Variants in NRCAM observed in about 807,000 individuals in gnomAD.
NRCAM encodes neuronal cell adhesion molecule.
A neutral mutation model predicts 156.5 loss-of-function variants in NRCAM; 83 were observed. The observed-to-expected ratio is 0.53, with a 90% CI of 0.44 to 0.64. The LOEUF is 0.64. NRCAM is among the 30% of genes least tolerant of loss of function. The probability of loss-of-function intolerance (pLI) is 0.00; values close to 1 mark genes in which losing one functional copy is unlikely to be tolerated. For synonymous variants in NRCAM, 538 were observed against 563.9 expected (o/e 0.95, Z 0.65); for missense variants, 1,417 against 1,597.3 (o/e 0.89, Z 1.92).
chr7:108,156,998 C>G (rs1585199374), intron 32 of NRCAM, among the ~76,000 whole-genome samples: 1 of 152,154 alleles, frequency 6.6e-6, no homozygotes, highest in East Asian at 1.9e-4. Context: ...AATCAAAGGA[C>G]AAAGCCGTAT....
At chr7:108,267,165 T>A (rs1563025531) in intron 3 of NRCAM, among the ~76,000 whole-genome samples, 1 of 152,170 alleles carries the variant, frequency 6.6e-6, no homozygotes, top group Non-Finnish European at 1.5e-5. Flanking sequence ...GCGGTAAGCA[T>A]CCCTCCATGC....
At position 108,237,770 on chromosome 7, in the gene NRCAM, CT is replaced by C. The variant is rs1484078682; in HGVS notation, c.107-2del. On this transcript the variant is annotated splice_acceptor_variant, in intron 4 of 32. Transcript: ENST00000379028. LOFTEE classifies it high-confidence loss of function. ...CACTTACAGTCTTCAAGAAGTTTTG[CT>C]TTTTCCCCATCAATATCAGCAGGTA... is the stretch of plus-strand genomic sequence containing the variant. 6.3e-7 allele frequency: 1 copy of C among 1,594,096 alleles called. No homozygotes were observed. Among genetic ancestry groups the C allele is most frequent in the Non-Finnish European group, 8.5e-7 (1 of 1,170,848 alleles).
chr7:108,163,725 G>C (rs2050984824), intron 30 of NRCAM, among the ~76,000 whole-genome samples: 1 of 151,930 alleles, frequency 6.6e-6, no homozygotes, highest in South Asian at 2.1e-4. Flanking sequence ...ACTAAAGAGA[G>C]GTCAAACGGG....
intron 2 of NRCAM, among the ~76,000 whole-genome samples, chr7:108,313,538 A>G (rs2098834016): frequency 6.6e-6 from 1 of 152,216 alleles, no homozygotes; most frequent in Non-Finnish European, 1.5e-5. Flanking sequence ...GCACTCAAAT[A>G]TTAGGACAAC....
At chr7:108,421,388 A>G (rs1224401257) in intron 1 of NRCAM, among the ~76,000 whole-genome samples, 2 of 152,178 alleles carry the variant, frequency 1.3e-5, no homozygotes, top group African/African-American at 4.8e-5. Context: ...TCTCATGATC[A>G]TATATTCAAA....
rs2050739948 is a variant in NRCAM, at chr7:108,163,489, C to CAT, written c.3467-2998_3467-2997insAT. 7.9e-5 allele frequency among the ~76,000 whole-genome samples: 12 copies of CAT among 152,266 alleles called. No individual in the cohort carries two copies. The South Asian group carries it at 2.3e-3, about 29-fold the overall frequency. On this transcript the variant is annotated intron_variant, in intron 30 of 32. Transcript: ENST00000379028. ...TGGATGAAAATGTCCTGTTCAAATG[C>CAT]TTAGACATCAAACGCTTAGATGTGT...
At chr7:108,258,560 G>C (rs1456999998) in intron 3 of NRCAM, among the ~76,000 whole-genome samples, 1 of 152,222 alleles carries the variant, frequency 6.6e-6, no homozygotes, top group African/African-American at 2.4e-5. Context: ...AGTAAAAAGA[G>C]GATAGGCTGT....
intron 1 of NRCAM, among the ~76,000 whole-genome samples, chr7:108,427,656 A>G (rs1230627027): frequency 2.0e-5 from 3 of 152,242 alleles, no homozygotes; most frequent in Admixed American, 6.5e-5. Flanking sequence ...CTCTGCTTAT[A>G]TATAAATACT....
Position 108,288,977 on chromosome 7 carries a change from G to T in NRCAM, c.-107+23688C>A, listed in dbSNP as rs560933608. On this transcript the variant is annotated intron_variant, in intron 3 of 32. Transcript: ENST00000379028. ...TATTTTTCTGAGGGTGGGGTAGGGG[G>T]TTGAAGATCAGCCTGATTGGAATAG... 5.9e-5 allele frequency among the ~76,000 whole-genome samples: 9 copies of T among 152,194 alleles called. No homozygotes were observed. The East Asian group carries it at 1.7e-3, about 29-fold the overall frequency.
rs150537697 is a variant in NRCAM, at chr7:108,381,229, G to A, written c.-174+18207C>T. On this transcript the variant is annotated intron_variant, in intron 2 of 32. Transcript: ENST00000379028. Reference sequence around the variant, plus strand: ...ATCATTTGCCTGTGTTACTTTTACTGTCTTCCCATTTTTCTTCATTTTTCC... The same window carrying A: ...ATCATTTGCCTGTGTTACTTTTACTATCTTCCCATTTTTCTTCATTTTTCC... Among the ~76,000 whole-genome samples, 358 of 152,204 alleles carry A rather than the reference G, an allele frequency of 2.4e-3. 1 individual carries two copies. The highest frequency in any genetic ancestry group is 8.0e-3 in the African/African-American group (334 of 41,522).
intron 1 of NRCAM, among the ~76,000 whole-genome samples, chr7:108,449,374 T>C (rs1454649811): frequency 6.6e-6 from 1 of 152,160 alleles, no homozygotes; most frequent in East Asian, 1.9e-4. Flanking sequence ...CCCCCCTCCC[T>C]TCACTGAAAA....
At chr7:108,392,401 G>A (rs549414152) in intron 2 of NRCAM, among the ~76,000 whole-genome samples, 74 of 152,172 alleles carry the variant, frequency 4.9e-4, no homozygotes, top group African/African-American at 1.5e-3. Context: ...CGTAGTTCTC[G>A]TGCCATGGTT....
chr7:108,249,181 A>C (rs1486780869), intron 3 of NRCAM, among the ~76,000 whole-genome samples: 3 of 152,234 alleles, frequency 2.0e-5, no homozygotes, highest in Non-Finnish European at 4.4e-5. Context: ...CTTCCCAGCC[A>C]CATTTCAAAA....
intron 3 of NRCAM, among the ~76,000 whole-genome samples, chr7:108,264,682 G>A (rs2097021134): frequency 6.6e-6 from 1 of 152,106 alleles, no homozygotes; most frequent in Non-Finnish European, 1.5e-5. Flanking sequence ...TGGTAGTTAA[G>A]ACTAAAAACA....
intron 2 of NRCAM, among the ~76,000 whole-genome samples, chr7:108,338,767 G>C (rs2099239169): frequency 6.6e-6 from 1 of 152,186 alleles, no homozygotes; most frequent in South Asian, 2.1e-4. Flanking sequence ...ACCTATACTT[G>C]ATAATTGAAG....
intron 20 of NRCAM, among the ~76,000 whole-genome samples, chr7:108,187,934 A>G (rs564010516): frequency 0.019 from 2,852 of 152,126 alleles, 89 homozygotes; most frequent in African/African-American, 0.065. Flanking sequence ...CAGCCTGGGC[A>G]ACAAAGCGAG....
intron 2 of NRCAM, among the ~76,000 whole-genome samples, chr7:108,386,245 A>G (rs2099740576): frequency 6.6e-6 from 1 of 152,198 alleles, no homozygotes; most frequent in Non-Finnish European, 1.5e-5. Context: ...GCCAATTACT[A>G]TTTGACAAAA....
At chr7:108,278,389 T>C (rs1325082795) in intron 3 of NRCAM, among the ~76,000 whole-genome samples, 3 of 152,170 alleles carry the variant, frequency 2.0e-5, no homozygotes, top group Non-Finnish European at 4.4e-5. Flanking sequence ...CTGAAGTGGG[T>C]TCTGCCCAGT....
Position 108,180,411 on chromosome 7 carries a change from G to C in NRCAM, c.2663C>G (p.Thr888Ser). The C allele has an allele frequency of 3.1e-6, 5 of 1,614,072 alleles. No homozygotes were observed. The highest frequency in any genetic ancestry group is 4.2e-6 in the Non-Finnish European group (5 of 1,179,912). Residue 888 changes from threonine (T) to serine (S), a missense_variant, in exon 25 of 33, where the codon ACC becomes AGC. Thr to Ser is a moderately conservative substitution (Grantham distance 58, BLOSUM62 1). Around this residue, in one of 2 missense-constraint regions of NRCAM, gnomAD observed 1,238 missense variants for 1,336.4 expected, o/e 0.93. Transcript: ENST00000379028. ...LQGYRIYYWKTQSSSKRNRRH... is the reference protein window; with the variant it reads ...LQGYRIYYWKSQSSSKRNRRH... ...TCTGTTTCTTTTAGATGAACTCTGG[G>C]TCTTCCAATAGTAAATCTGAAACAG... is the stretch of plus-strand genomic sequence containing the variant.
Sources: gnomAD v4.1 joint callset for allele counts (sites outside exome capture counted in the v4.1 genomes callset) on GRCh38, gnomAD v4.1.1 for gene constraint, gnomAD v4.1.1 regional missense constraint, MANE v1.5 for transcripts, NCBI Gene and HGNC (gene_info 2026-07-23, HGNC 2026-07-21) for gene names.